The following MARCHF4 variants were observed in gnomAD, a reference collection of about 807,000 sequenced individuals.
MARCHF4 encodes E3 ubiquitin-protein ligase MARCHF4.
Under a neutral mutation model 43.9 loss-of-function variants are expected in MARCHF4, and 14 were observed. That is an observed-to-expected ratio of 0.32 (90% CI 0.21 to 0.50). The LOEUF (loss-of-function observed/expected upper bound fraction) is 0.50, where lower values mean the gene tolerates loss of function less well. MARCHF4 is among the 20% of genes least tolerant of loss of function. MARCHF4 has a pLI of 0.98. For missense variants in MARCHF4, 468 were observed against 536.7 expected (o/e 0.87, Z 1.27); for synonymous variants, 226 against 213.3 (o/e 1.06, Z -0.52).
intron 1 of MARCHF4, among the ~76,000 whole-genome samples, chr2:216,362,041 T>C (rs1221916991): frequency 1.3e-5 from 2 of 152,198 alleles, no homozygotes; most frequent in Non-Finnish European, 2.9e-5. Context: ...ACCACTCTGC[T>C]GGGAAGGGCC....
At chr2:216,319,203 G>T (rs531464647) in intron 1 of MARCHF4, among the ~76,000 whole-genome samples, 4 of 152,130 alleles carry the variant, frequency 2.6e-5, no homozygotes, top group Admixed American at 1.3e-4. Flanking sequence ...AGCTATTTGG[G>T]AGGATGAGGC....
At chr2:216,344,796 G>A (rs1476448792) in intron 1 of MARCHF4, among the ~76,000 whole-genome samples, 1 of 151,998 alleles carries the variant, frequency 6.6e-6, no homozygotes, top group Non-Finnish European at 1.5e-5. Flanking sequence ...ACAGTGAGCT[G>A]TGTGGGTGCG....
chr2:216,326,718 A>C (rs576246762), intron 1 of MARCHF4, among the ~76,000 whole-genome samples: 1 of 151,902 alleles, frequency 6.6e-6, no homozygotes, highest in Non-Finnish European at 1.5e-5. Flanking sequence ...AGAACAAAAA[A>C]CCAAACACCG....
chr2:216,327,814 A>G (rs1692019360), intron 1 of MARCHF4, among the ~76,000 whole-genome samples: 4 of 152,238 alleles, frequency 2.6e-5, no homozygotes, highest in African/African-American at 9.6e-5. Flanking sequence ...GGTAAGCACT[A>G]TTCAGCTCTA....
In MARCHF4 at chr2:216,316,111, C is replaced by T. The variant is rs530725285; in HGVS notation, c.517-32382G>A. ...AAAGCCCTTTGCTGCTCTGATTCAT[C>T]GCCTGGTTGGAGGCCGAGTCACCAC... On this transcript the variant is annotated intron_variant, in intron 1 of 3. Coordinates refer to ENST00000273067, the MANE Select transcript of MARCHF4 (RefSeq NM_020814.3). 1.2e-4 allele frequency among the ~76,000 whole-genome samples: 19 copies of T among 152,338 alleles called. No individual in the cohort carries two copies. In the East Asian group the frequency reaches 3.3e-3, roughly 26 times the overall value.
intron 1 of MARCHF4, among the ~76,000 whole-genome samples, chr2:216,356,748 C>T (rs192274725): frequency 1.1e-4 from 16 of 152,234 alleles, no homozygotes; most frequent in Admixed American, 5.2e-4. Flanking sequence ...ATAGGCCGGG[C>T]GTAGTGGCTC....
chr2:216,291,229 A>G (rs1691303258), intron 1 of MARCHF4, among the ~76,000 whole-genome samples: 1 of 152,200 alleles, frequency 6.6e-6, no homozygotes, highest in Non-Finnish European at 1.5e-5. Flanking sequence ...AAAAGCCAAG[A>G]AGACGACACT....
At chr2:216,334,025 C>G (rs1252568669) in intron 1 of MARCHF4, among the ~76,000 whole-genome samples, 1 of 151,984 alleles carries the variant, frequency 6.6e-6, no homozygotes, top group Non-Finnish European at 1.5e-5. Flanking sequence ...AACATGACCC[C>G]CCAAAGATGC....
chr2:216,359,696 T>G (rs982426794), intron 1 of MARCHF4, among the ~76,000 whole-genome samples: 1 of 152,234 alleles, frequency 6.6e-6, no homozygotes, highest in Non-Finnish European at 1.5e-5. Context: ...GACCTCCACC[T>G]GCTTGCTTCC....
In MARCHF4 at chr2:216,275,458, A is replaced by G. The variant is rs182758514; in HGVS notation, c.865+2214T>C. ...CTGTAGGTTTTCCATAGGTCACACCATGGGACTCCTGCTATCTGGTGCAAG... is the reference window on the plus strand; with the variant it reads ...CTGTAGGTTTTCCATAGGTCACACCGTGGGACTCCTGCTATCTGGTGCAAG... On this transcript the variant is annotated intron_variant, in intron 3 of 3. Coordinates refer to ENST00000273067, the MANE Select transcript of MARCHF4 (RefSeq NM_020814.3). 2.6e-5 allele frequency among the ~76,000 whole-genome samples: 4 copies of G among 152,294 alleles called. No homozygotes were observed. The East Asian group carries it at 7.7e-4, about 29-fold the overall frequency.
chr2:216,308,798 T>C (rs905936105), intron 1 of MARCHF4, among the ~76,000 whole-genome samples: 18 of 152,204 alleles, frequency 1.2e-4, no homozygotes, highest in Admixed American at 6.5e-4. Flanking sequence ...GCCACTGCCA[T>C]AGCCAGCTGT....
chr2:216,356,825 C>A (rs992315179), intron 1 of MARCHF4, among the ~76,000 whole-genome samples: 2 of 152,014 alleles, frequency 1.3e-5, no homozygotes, highest in Non-Finnish European at 2.9e-5. Flanking sequence ...GAGTTTGAGA[C>A]CAGCCTGGCC....
intron 3 of MARCHF4, among the ~76,000 whole-genome samples, chr2:216,274,820 T>C (rs207822): frequency 0.76 from 115,110 of 151,494 alleles, 45,597 homozygotes; most frequent in Non-Finnish European, 0.89. Flanking sequence ...ATCTGAAAAA[T>C]GGGAAGACGA....
chr2:216,280,100 G>A (rs1691103897), intron 2 of MARCHF4, among the ~76,000 whole-genome samples: 1 of 152,096 alleles, frequency 6.6e-6, no homozygotes, highest in African/African-American at 2.4e-5. Flanking sequence ...AAGGAGCAGG[G>A]TGGGGTTCTA....
At chr2:216,347,805 G>A (rs1176009426) in intron 1 of MARCHF4, among the ~76,000 whole-genome samples, 1 of 148,716 alleles carries the variant, frequency 6.7e-6, no homozygotes, top group African/African-American at 2.5e-5. Context: ...GAGAAGAATT[G>A]GGGATTAGGC....
chr2:216,270,583 C>T (rs1690920832), intron 3 of MARCHF4, among the ~76,000 whole-genome samples: 1 of 152,154 alleles, frequency 6.6e-6, no homozygotes, highest in Admixed American at 6.5e-5. Context: ...CCATAATGTA[C>T]TCCATGTGTC....
At chr2:216,260,700 C>T (rs1338132715) in intron 3 of MARCHF4, among the ~76,000 whole-genome samples, 3 of 152,100 alleles carry the variant, frequency 2.0e-5, no homozygotes, top group African/African-American at 7.2e-5. Flanking sequence ...TAGGCCATGG[C>T]TAGGGATTTG....
chr2:216,361,637 A>G (rs1692581481), intron 1 of MARCHF4, among the ~76,000 whole-genome samples: 1 of 152,216 alleles, frequency 6.6e-6, no homozygotes, highest in Non-Finnish European at 1.5e-5. Flanking sequence ...GATCCAAGGA[A>G]GAGAGGACAG....
intron 2 of MARCHF4, 70 bp downstream of exon 2, chr2:216,283,504 G>A (rs1691165354): frequency 1.3e-6 from 2 of 1,490,824 alleles, no homozygotes; most frequent in South Asian, 2.7e-5. Flanking sequence ...GGTGAAGTAA[G>A]CCTCCTGCTA....
Sources: gnomAD v4.1 joint callset for allele counts (sites outside exome capture counted in the v4.1 genomes callset) on GRCh38, gnomAD v4.1.1 for gene constraint, MANE v1.5 for transcripts, NCBI Gene and HGNC (gene_info 2026-07-23, HGNC 2026-07-21) for gene names.